The following HSD17B4 variants were observed in gnomAD, a reference collection of about 807,000 sequenced individuals.
HSD17B4 encodes peroxisomal multifunctional enzyme type 2.
A neutral mutation model predicts 101.0 loss-of-function variants in HSD17B4; 70 were observed. The observed-to-expected ratio is 0.69, with a 90% CI of 0.57 to 0.85. The LOEUF (loss-of-function observed/expected upper bound fraction) is 0.85, where lower values mean the gene tolerates loss of function less well. HSD17B4 is among the 40% of genes least tolerant of loss of function. The pLI is 0.00. For missense variants in HSD17B4, 984 were observed against 892.4 expected (o/e 1.10, Z -1.31); for synonymous variants, 347 against 297.1 (o/e 1.17, Z -1.73).
chr5:119,530,382 T>C (rs1162636624), intron 21 of HSD17B4, among the ~76,000 whole-genome samples: 1 of 152,148 alleles, frequency 6.6e-6, no homozygotes, highest in Non-Finnish European at 1.5e-5. Context: ...GTGTATAATT[T>C]ATTAAAACAT....
chr5:119,527,099 A>C, intron 19 of HSD17B4, 34 bp from the exon 20 acceptor site: 1 of 1,313,722 alleles, frequency 7.6e-7, no homozygotes. Flanking sequence ...GTTTCCTTTT[A>C]AAACATTTTT....
chr5:119,507,075 G>T (rs1241970626), intron 15 of HSD17B4, among the ~76,000 whole-genome samples, 186 bp downstream of exon 15: 1 of 152,106 alleles, frequency 6.6e-6, no homozygotes, highest in Non-Finnish European at 1.5e-5. Flanking sequence ...TTTATTTCTG[G>T]GCTTAGGCTG....
intron 22 of HSD17B4, among the ~76,000 whole-genome samples, chr5:119,533,341 G>C (rs528623489): frequency 2.6e-5 from 4 of 151,640 alleles, no homozygotes; most frequent in African/African-American, 7.3e-5. Context: ...TGTGTGTCAG[G>C]AAAGGTGAAA....
At chr5:119,495,330 A>G (rs1225301447) in intron 11 of HSD17B4, among the ~76,000 whole-genome samples, 1 of 152,232 alleles carries the variant, frequency 6.6e-6, no homozygotes, top group Non-Finnish European at 1.5e-5. Flanking sequence ...TTGAATTATT[A>G]TAACTAATTG....
At position 119,510,566 on chromosome 5, in the gene HSD17B4, T is replaced by A. The variant is rs777091617; in HGVS notation, c.1437+1322T>A. On this transcript the variant is annotated intron_variant, in intron 16 of 23. Coordinates refer to ENST00000510025, the MANE Select transcript of HSD17B4 (RefSeq NM_000414.4). Reference sequence around the variant, plus strand: ...GTGACGTAAGAAGCTCCTTGGACTTTCTTGTCAGTGAAACAACCATGACTT... The same window carrying A: ...GTGACGTAAGAAGCTCCTTGGACTTACTTGTCAGTGAAACAACCATGACTT... Among the ~76,000 whole-genome samples, 4 of 152,358 alleles carry A rather than the reference T, an allele frequency of 2.6e-5. 1 individual carries two copies. In the South Asian group the frequency reaches 6.2e-4, roughly 24 times the overall value.
chr5:119,498,412 C>A (rs1750845173), intron 12 of HSD17B4, among the ~76,000 whole-genome samples: 3 of 152,216 alleles, frequency 2.0e-5, no homozygotes, highest in Admixed American at 6.5e-5. Context: ...GCTCTTAGTC[C>A]TTGTTTGCCA....
At chr5:119,487,301 G>T (rs889584330) in intron 8 of HSD17B4, 2 of 138,156 alleles carry the variant, frequency 1.4e-5, no homozygotes, top group East Asian at 2.2e-4. Flanking sequence ...TGCTTTAAAA[G>T]AATCTCATTT....
At chr5:119,456,415 T>C in intron 2 of HSD17B4, 47 bp downstream of exon 2, 2 of 1,025,574 alleles carry the variant, frequency 2.0e-6, no homozygotes, top group African/African-American at 1.6e-5. Context: ...ATAACTGAAA[T>C]ACAATCTTTA....
At chr5:119,478,653 G>T (rs910180381) in intron 7 of HSD17B4, among the ~76,000 whole-genome samples, 181 bp from the exon 8 acceptor site, 2 of 152,082 alleles carry the variant, frequency 1.3e-5, no homozygotes, top group Admixed American at 1.3e-4. Context: ...TCTTGTAGTT[G>T]AATTTTGAGA....
At chr5:119,494,850 T>C (rs1490844810) in intron 11 of HSD17B4, among the ~76,000 whole-genome samples, 2 of 152,160 alleles carry the variant, frequency 1.3e-5, no homozygotes, top group Non-Finnish European at 2.9e-5. Context: ...ACCACAGAAA[T>C]AGATAACCAA....
At chr5:119,499,272 G>C (rs1451556738) in intron 12 of HSD17B4, 45 bp from the exon 13 acceptor site, 1 of 1,348,780 alleles carries the variant, frequency 7.4e-7, no homozygotes. Context: ...TAATAGTTTT[G>C]AAAAGTTATC....
At chr5:119,483,847 C>G (rs943116015) in intron 8 of HSD17B4, among the ~76,000 whole-genome samples, 4 of 152,066 alleles carry the variant, frequency 2.6e-5, no homozygotes, top group South Asian at 2.1e-4. Flanking sequence ...GACATTGTAA[C>G]CATAATGCCA....
At chr5:119,531,655 G>C (rs1472464329) in intron 22 of HSD17B4, among the ~76,000 whole-genome samples, 2 of 151,476 alleles carry the variant, frequency 1.3e-5, no homozygotes, top group Non-Finnish European at 2.9e-5. Context: ...CCTGTTTTAA[G>C]ATTTCATTGT....
At chr5:119,519,319 A>T (rs1270627025) in intron 17 of HSD17B4, among the ~76,000 whole-genome samples, 1 of 152,252 alleles carries the variant, frequency 6.6e-6, no homozygotes, top group Non-Finnish European at 1.5e-5. Context: ...GTTTCCCCAG[A>T]TACATATCTT....
chr5:119,503,076 T>TTGTGTGTGTGTGTGTGTGTGTG (rs759039800), intron 14 of HSD17B4, among the ~76,000 whole-genome samples: 3 of 140,640 alleles, frequency 2.1e-5, no homozygotes, highest in East Asian at 2.2e-4. Flanking sequence ...ACCTTGGAAA[T>TTGTGTGTGTGTGTGTGTGTGTG]TGTGTGTGTG....
intron 8 of HSD17B4, chr5:119,487,487 A>C (rs1330095739): frequency 6.6e-6 from 1 of 151,846 alleles, no homozygotes. Context: ...TACTCTCTTA[A>C]GGTTGGTTTT....
chr5:119,462,941 A>G (rs1469059225), intron 2 of HSD17B4, among the ~76,000 whole-genome samples: 1 of 152,216 alleles, frequency 6.6e-6, no homozygotes, highest in Non-Finnish European at 1.5e-5. Context: ...ATACACCACT[A>G]GAACTTATTC....
intron 17 of HSD17B4, among the ~76,000 whole-genome samples, chr5:119,516,778 A>G (rs563752327): frequency 6.6e-6 from 1 of 152,378 alleles, no homozygotes; most frequent in East Asian, 1.9e-4. Flanking sequence ...GGGAAGGAAC[A>G]CTTGGATACT....
intron 2 of HSD17B4, among the ~76,000 whole-genome samples, chr5:119,473,433 C>A (rs988876578): frequency 1.3e-5 from 2 of 151,224 alleles, no homozygotes; most frequent in African/African-American, 2.4e-5. Context: ...ATCCTCCCAC[C>A]TCAGCCTCCC....
Sources: allele counts gnomAD v4.1 joint callset (sites outside exome capture counted in the v4.1 genomes callset), GRCh38; gene constraint gnomAD v4.1.1; transcripts MANE v1.5; gene names NCBI Gene and HGNC (gene_info 2026-07-23, HGNC 2026-07-21).